AMZ1: variants seen among roughly 807,000 people sequenced by gnomAD.
The protein encoded by AMZ1 is archaelysin family metallopeptidase 1.
Under a neutral mutation model 29.9 loss-of-function variants are expected in AMZ1, and 39 were observed. The ratio of observed to expected loss-of-function variants is 1.30; its 90% CI spans 1.01 to 1.70. The LOEUF (loss-of-function observed/expected upper bound fraction) is 1.70. AMZ1 is among the 40% of genes most tolerant of loss of function. The pLI is 0.00. For missense variants in AMZ1, 1,041 were observed against 680.6 expected, an observed-to-expected ratio of 1.53 and a Z score of -5.89; for synonymous variants, 458 against 304.0, an observed-to-expected ratio of 1.51 and a Z score of -5.27.
chr7:2,740,502 C>A (rs1197341794), intron 4 of AMZ1, among the ~76,000 whole-genome samples: 1 of 152,202 alleles, frequency 6.6e-6, no homozygotes, highest in African/African-American at 2.4e-5. Context: ...CCTCAATTTC[C>A]AATCTCCAGA....
chr7:2,687,119 G>A (rs111403562), upstream of AMZ1, among the ~76,000 whole-genome samples: 5 of 151,932 alleles, frequency 3.3e-5, no homozygotes, highest in African/African-American at 1.2e-4. Flanking sequence ...ATGAGGTCAA[G>A]AGTTTGATAC....
intron 6 of AMZ1, among the ~76,000 whole-genome samples, chr7:2,712,052 A>T (rs975998166): frequency 8.3e-6 from 1 of 120,280 alleles, no homozygotes; most frequent in African/African-American, 3.8e-5. Flanking sequence ...GTCTTAAAAA[A>T]ATCGAAAAAT....
chr7:2,706,102 C>T (rs1788340084), intron 3 of AMZ1, among the ~76,000 whole-genome samples: 1 of 152,236 alleles, frequency 6.6e-6, no homozygotes, highest in Admixed American at 6.5e-5. Context: ...AAAGGACATG[C>T]ACTCGGGAAG....
At chr7:2,745,945 C>T (rs370745154) in intron 4 of AMZ1, among the ~76,000 whole-genome samples, 33 of 151,944 alleles carry the variant, frequency 2.2e-4, no homozygotes, top group African/African-American at 5.6e-4. Flanking sequence ...AATGGTAAAG[C>T]GATCAATTCA....
Position 2,709,686 on chromosome 7 carries a change from G to T in AMZ1, c.818G>T (p.Arg273Leu). Reference protein sequence around the residue: ...LCHLLGLGNCRWLRCLMQGAL... With the variant: ...LCHLLGLGNCLWLRCLMQGAL... ...CACCTTCTGGGCCTGGGGAACTGCC[G>T]CTGGCTCCGCTGCCTCATGCAGGGT... is the stretch of plus-strand genomic sequence containing the variant. The change falls in exon 6 of 7, where the codon CGC becomes CTC. Residue 273 changes from arginine (R) to leucine (L), a missense_variant. Transcript: ENST00000683327. The T allele has an allele frequency of 6.2e-7, 1 of 1,610,778 alleles. No homozygotes were observed. Among genetic ancestry groups the T allele is most frequent in the Non-Finnish European group, 8.5e-7 (1 of 1,179,706 alleles).
intron 2 of AMZ1, among the ~76,000 whole-genome samples, chr7:2,701,052 C>T (rs1016549556): frequency 6.6e-6 from 1 of 152,194 alleles, no homozygotes; most frequent in Non-Finnish European, 1.5e-5. Flanking sequence ...AGAGCCATCC[C>T]AGGCACTGTG....
In AMZ1 at chr7:2,709,657, C is replaced by T. The variant is rs1160069992; in HGVS notation, c.789C>T (p.Leu263=). 1 of 1,609,686 alleles carries T rather than the reference C, an allele frequency of 6.2e-7. No individual in the cohort carries two copies. The highest frequency in any genetic ancestry group is 8.5e-7 in the Non-Finnish European group (1 of 1,179,100). The change falls in exon 6 of 7, where the codon CTC becomes CTT. Residue 263 remains leucine, a synonymous_variant. Coordinates refer to ENST00000683327, the MANE Select transcript of AMZ1 (RefSeq NM_001384743.1). The stretch of plus-strand genomic sequence containing the variant: ...CCCCCCAGGTCACGTGCCACGAGCT[C>T]TGCCACCTTCTGGGCCTGGGGAACT... The part of the protein sequence containing the change: ...VQCCKVTCHE[L]CHLLGLGNCR...
At chr7:2,682,450 C>T (rs920712670) in intron 1 of AMZ1, among the ~76,000 whole-genome samples, 2 of 152,174 alleles carry the variant, frequency 1.3e-5, no homozygotes, top group African/African-American at 4.8e-5. Flanking sequence ...TACAGTGCTC[C>T]AGCGACAGCT....
At chr7:2,706,185 T>A (rs946408049) in intron 3 of AMZ1, among the ~76,000 whole-genome samples, 2 of 152,040 alleles carry the variant, frequency 1.3e-5, no homozygotes, top group African/African-American at 4.8e-5. Context: ...GGTTTTTAAT[T>A]TTTTTTTAGA....
chr7:2,737,269 GTTTTGTTTTTTTTTTTTTTGTTTTT>G (rs1425063240), intron 4 of AMZ1, among the ~76,000 whole-genome samples: 2 of 38,112 alleles, frequency 5.2e-5, no homozygotes, highest in Non-Finnish European at 5.4e-5. Context: ...TCACAGTTTT[GTTTTGTTTTTTTTTTTTTTGTTTTT>G]TTTTTTTTTT....
intron 4 of AMZ1, among the ~76,000 whole-genome samples, chr7:2,735,018 C>A (rs1339636193): frequency 6.6e-6 from 1 of 152,188 alleles, no homozygotes; most frequent in Non-Finnish European, 1.5e-5. Flanking sequence ...CAGCCGCCTT[C>A]CCGTGGCTGT....
At chr7:2,712,149 C>G (rs1161446834) in intron 6 of AMZ1, among the ~76,000 whole-genome samples, 181 bp from the exon 7 acceptor site, 4 of 152,222 alleles carry the variant, frequency 2.6e-5, no homozygotes, top group Middle Eastern at 3.2e-3. Context: ...GACTCTGGCA[C>G]AGCCTGGACA....
chr7:2,680,927 C>T (rs148837703), intron 1 of AMZ1, among the ~76,000 whole-genome samples: 2 of 152,204 alleles, frequency 1.3e-5, no homozygotes, highest in East Asian at 3.9e-4. Context: ...GGCCAAGTCA[C>T]CAGACACCAG....
At chr7:2,744,487 A>G (rs1454814910) in intron 4 of AMZ1, among the ~76,000 whole-genome samples, 2 of 152,256 alleles carry the variant, frequency 1.3e-5, no homozygotes, top group African/African-American at 4.8e-5. Context: ...ACTAACAAAC[A>G]GGAAGGACAT....
intron 4 of AMZ1, among the ~76,000 whole-genome samples, chr7:2,749,835 A>T (rs1790941595): frequency 6.6e-6 from 1 of 152,158 alleles, no homozygotes; most frequent in Non-Finnish European, 1.5e-5. Flanking sequence ...CTGAAATTAG[A>T]TTAATAGAGA....
rs116002865 is a variant in AMZ1, at chr7:2,740,026, C to T, written n.551-24686C>T. On this transcript the variant is annotated intron_variant and non_coding_transcript_variant, in intron 4 of 4. Transcript: ENST00000489665. The stretch of plus-strand genomic sequence containing the variant: ...CTGAAGACCACCAAGCTGTTCTCCA[C>T]GGCGGCTGCACAAGTTTACATTCCC... 5.7e-3 allele frequency among the ~76,000 whole-genome samples: 866 copies of T among 152,270 alleles called. 11 individuals are homozygous for T. Among genetic ancestry groups the T allele is most frequent in the African/African-American group, 0.02 (825 of 41,550 alleles).
Position 2,715,959 on chromosome 7 carries a change from C to T in AMZ1, c.*3081C>T, listed in dbSNP as rs776810052. The stretch of plus-strand genomic sequence containing the variant: ...TGCAAAGTCCACTGAATTGCTTTCT[C>T]GTCTCATCTGTCAGAAGCCCCTGCA... On this transcript the variant is annotated 3_prime_UTR_variant, in exon 7 of 7. Transcript: ENST00000683327. 7 of 151,814 alleles carry T rather than the reference C, an allele frequency of 4.6e-5. No homozygotes were observed. Among genetic ancestry groups the T allele is most frequent in the Admixed American group, 6.5e-5 (1 of 15,278 alleles). The allele number at this position is 151,814 out of a possible 1,614,324, so 9.4% of individuals were successfully genotyped here. A position where few individuals can be genotyped will look rare whatever the true frequency, so the allele number is the denominator to read the frequency against.
chr7:2,758,658 C>G (rs1218768478), intron 4 of AMZ1, among the ~76,000 whole-genome samples: 1 of 152,184 alleles, frequency 6.6e-6, no homozygotes, highest in African/African-American at 2.4e-5. Context: ...CCCCACAGCA[C>G]ACTTGGAGGA....
chr7:2,680,340 C>T (rs968432221), intron 1 of AMZ1, among the ~76,000 whole-genome samples: 7 of 152,108 alleles, frequency 4.6e-5, no homozygotes, highest in Non-Finnish European at 8.8e-5. Context: ...ACAGGCTCCC[C>T]GAGCCCTGCC....
Sources: gnomAD v4.1 joint callset for allele counts (sites outside exome capture counted in the v4.1 genomes callset) on GRCh38, gnomAD v4.1.1 for gene constraint, MANE v1.5 for transcripts, NCBI Gene and HGNC (gene_info 2026-07-23, HGNC 2026-07-21) for gene names.